The following SPTBN4 variants were observed in gnomAD, a reference collection of about 807,000 sequenced individuals.
SPTBN4 encodes the protein spectrin beta chain, non-erythrocytic 4.
SPTBN4 carries 96 observed loss-of-function variants against 277.8 expected under a neutral mutation model. That is an observed-to-expected ratio of 0.35 (90% CI 0.29 to 0.41). The LOEUF is 0.41. Ranked by LOEUF, SPTBN4 falls within the 10% of genes least tolerant of loss-of-function variation. The pLI, the probability that SPTBN4 is intolerant of heterozygous loss-of-function variation, is 1.00. For synonymous variants in SPTBN4, 1,481 were observed against 1,580.3 expected, an observed-to-expected ratio of 0.94 and a Z score of 1.49; for missense variants, 3,006 against 3,595.7, an observed-to-expected ratio of 0.84 and a Z score of 4.19.
intron 33 of SPTBN4, 141 bp from the exon 34 acceptor site, chr19:40,571,878 T>C: frequency 1.1e-6 from 1 of 921,110 alleles, no homozygotes; most frequent in South Asian, 2.2e-5. Flanking sequence ...GAAGAGCATT[T>C]TAGGTCCAAC....
rs1216311407 is a variant in SPTBN4 at position 40,484,063 on chromosome 19, A to G, written c.170-3634A>G. Reference sequence around the variant, plus strand: ...CACCGCACTCCAGCCTGGATTTTATACAGGGCAGACCCTGTATCAAAAAAA... The same window carrying G: ...CACCGCACTCCAGCCTGGATTTTATGCAGGGCAGACCCTGTATCAAAAAAA... On this transcript the variant is annotated intron_variant, in intron 2 of 35. Coordinates refer to ENST00000598249, the MANE Select transcript of SPTBN4 (RefSeq NM_020971.3). Among the ~76,000 whole-genome samples, 3 of 152,160 alleles carry G rather than the reference A, an allele frequency of 2.0e-5. No homozygotes were observed. The East Asian group carries it at 5.8e-4, about 29-fold the overall frequency.
chr19:40,487,910 C>T, intron 3 of SPTBN4, 62 bp downstream of exon 3: 2 of 1,498,160 alleles, frequency 1.3e-6, no homozygotes, highest in East Asian at 2.4e-5. Flanking sequence ...GGGGGTTGGG[C>T]TTCTCTGGAA....
In SPTBN4 at chr19:40,519,716, A is replaced by C; in HGVS notation, c.3219A>C (p.Leu1073=). 7.2e-7 allele frequency: 1 copy of C among 1,396,196 alleles called. No individual in the cohort carries two copies. Among genetic ancestry groups the C allele is most frequent in the East Asian group, 3.0e-5 (1 of 33,228 alleles). 86.5% of individuals were successfully genotyped at this position (1,396,196 alleles called of 1,614,324 possible). A position where few individuals can be genotyped will look rare whatever the true frequency, so the allele number is the denominator to read the frequency against. ...AGCTGGGCGCCGAGTGGGGCGCGCT[A>C]GCTAGCGCGGCTCAGGCCTGCGGCG... The part of the protein sequence containing the change: ...AEELGAEWGA[L]ASAAQACGEA... Residue 1073 remains leucine, a synonymous_variant, in exon 16 of 36, where the codon CTA becomes CTC. Coordinates refer to ENST00000598249, the MANE Select transcript of SPTBN4 (RefSeq NM_020971.3). The surrounding 1 kb of genome is among the most constrained non-coding windows in gnomAD (Gnocchi z 5.7).
At chr19:40,545,354 A>G (rs1348681518) in intron 20 of SPTBN4, among the ~76,000 whole-genome samples, 1 of 152,080 alleles carries the variant, frequency 6.6e-6, no homozygotes, top group South Asian at 2.1e-4. Context: ...TTGGCCTCCC[A>G]AAGTGCTGGG....
intron 16 of SPTBN4, among the ~76,000 whole-genome samples, chr19:40,523,039 C>T (rs1051352035): frequency 6.6e-6 from 1 of 152,090 alleles, no homozygotes. Context: ...GAGGCTGAGG[C>T]GGGAGAATCA....
At chr19:40,470,747 C>T (rs746775858) in intron 1 of SPTBN4, among the ~76,000 whole-genome samples, 2 of 152,060 alleles carry the variant, frequency 1.3e-5, no homozygotes, top group Non-Finnish European at 2.9e-5. Context: ...ATTCTCCTCC[C>T]TCAGCCTCCT....
chr19:40,468,421 G>A (rs942072371), intron 1 of SPTBN4, among the ~76,000 whole-genome samples: 1 of 150,856 alleles, frequency 6.6e-6, no homozygotes, highest in Admixed American at 6.6e-5. Flanking sequence ...CTGTCATTCA[G>A]GCTGGAGTGC....
At chr19:40,483,481 T>C (rs1246856306) in intron 2 of SPTBN4, among the ~76,000 whole-genome samples, 1 of 152,200 alleles carries the variant, frequency 6.6e-6, no homozygotes. Context: ...GTAGAAAATA[T>C]ACATTTACTT....
intron 2 of SPTBN4, among the ~76,000 whole-genome samples, chr19:40,487,179 G>A (rs2080081829): frequency 6.6e-6 from 1 of 151,870 alleles, no homozygotes; most frequent in Non-Finnish European, 1.5e-5. Context: ...GGGATTAACA[G>A]GCATGCACCA....
Position 40,554,935 on chromosome 19 carries a change from C to G in SPTBN4, c.5084+289C>G. ...GGACTGGGGTAGAGAAGAATTTACT[C>G]AGGACAGGCAAGGGGCTCTTTCTAC... On this transcript the variant is annotated intron_variant, in intron 24 of 35. Coordinates refer to ENST00000598249, the MANE Select transcript of SPTBN4 (RefSeq NM_020971.3). This position sits in a 1 kb window ranked among gnomAD's most constrained non-coding sequence, Gnocchi z 5.7. 1 of 368,376 alleles carries G rather than the reference C, an allele frequency of 2.7e-6. No individual in the cohort carries two copies. The allele number at this position is 368,376 out of a possible 1,614,324, so 22.8% of individuals were successfully genotyped here.
intron 22 of SPTBN4, among the ~76,000 whole-genome samples, chr19:40,551,157 G>C (rs2145926034): frequency 6.6e-6 from 1 of 152,296 alleles, no homozygotes; most frequent in Admixed American, 6.5e-5. Flanking sequence ...AGGAAAATCA[G>C]GGGCTTGAGA....
At position 40,467,149 on chromosome 19, in the gene SPTBN4, C is replaced by G. The variant is rs1457055016; in HGVS notation, c.-172C>G. 1 of 148,788 alleles carries G rather than the reference C, an allele frequency of 6.7e-6. No individual in the cohort carries two copies. Among genetic ancestry groups the G allele is most frequent in the African/African-American group, 2.4e-5 (1 of 40,986 alleles). The allele number at this position is 148,788 out of a possible 1,614,324, so 9.2% of individuals were successfully genotyped here. A position where few individuals can be genotyped will look rare whatever the true frequency, so the allele number is the denominator to read the frequency against. On this transcript the variant is annotated 5_prime_UTR_variant, in exon 1 of 36. Coordinates refer to ENST00000598249, the MANE Select transcript of SPTBN4 (RefSeq NM_020971.3). ...GGCGGCGGCGCGAGAGAGGGAGGCG[C>G]GGCGGCGCATGCGGATCTGGCTGAG...
At position 40,575,562 on chromosome 19, in the gene SPTBN4, G is replaced by A; in HGVS notation, c.7688G>A (p.Arg2563Lys). The A allele has an allele frequency of 6.2e-7, 1 of 1,609,276 alleles. No individual in the cohort carries two copies. The highest frequency in any genetic ancestry group is 1.7e-5 in the Admixed American group (1 of 59,728). ...EGGDRRASGR[R>K]K ...GGAGATCGCAGGGCCAGCGGGCGCA[G>A]GAAGTGACTTCCCACCCCCAGGACC... The change falls in exon 36 of 36, where the codon AGG becomes AAG. Residue 2563 changes from arginine (R) to lysine (K), a missense_variant. By Grantham distance (26) the Arg-to-Lys change is conservative. Around this residue, in one of 5 missense-constraint regions of SPTBN4, gnomAD observed 630 missense variants for 677.6 expected, o/e 0.93. Transcript: ENST00000598249.
chr19:40,520,707 T>C (rs2080517106), intron 16 of SPTBN4, among the ~76,000 whole-genome samples: 1 of 152,124 alleles, frequency 6.6e-6, no homozygotes, highest in Non-Finnish European at 1.5e-5. Context: ...ACTGTGTCTG[T>C]GGCATGAGGA....
At chr19:40,541,169 G>C (rs2080797570) in intron 20 of SPTBN4, among the ~76,000 whole-genome samples, 1 of 152,170 alleles carries the variant, frequency 6.6e-6, no homozygotes, top group Admixed American at 6.5e-5. Flanking sequence ...AGGAGTTGGG[G>C]CCTCCTGCTT....
At chr19:40,521,486 C>T (rs770880232) in intron 16 of SPTBN4, among the ~76,000 whole-genome samples, 5 of 152,054 alleles carry the variant, frequency 3.3e-5, no homozygotes, top group African/African-American at 7.2e-5. Flanking sequence ...TGGGAGGCAG[C>T]GACAGATCAT....
chr19:40,502,843 G>A lies in SPTBN4; in HGVS notation c.1272G>A (p.Gln424=). The A allele has an allele frequency of 6.2e-7, 1 of 1,613,966 alleles. No homozygotes were observed. Among genetic ancestry groups the A allele is most frequent in the African/African-American group, 1.3e-5 (1 of 75,060 alleles). The change falls in exon 11 of 36, where the codon CAG becomes CAA. Residue 424 remains glutamine, a synonymous_variant. Transcript: ENST00000598249. The surrounding 1 kb of genome is among the most constrained non-coding windows in gnomAD (Gnocchi z 4.9). ...EAALRAELIR[Q]EKLELLAQRF... is the part of the protein sequence containing the mutation. ...CCCTACGGGCTGAGCTGATTCGGCAGGAGAAGCTGGAACTACTGGCACAGA... is the reference window on the plus strand; with the variant it reads ...CCCTACGGGCTGAGCTGATTCGGCAAGAGAAGCTGGAACTACTGGCACAGA...
Position 40,560,801 on chromosome 19 carries a change from G to A in SPTBN4, c.5915+398G>A, listed in dbSNP as rs539946058. On this transcript the variant is annotated intron_variant, in intron 27 of 35. Transcript: ENST00000598249. This position sits in a 1 kb window ranked among gnomAD's most constrained non-coding sequence, Gnocchi z 5.2. The stretch of plus-strand genomic sequence containing the variant: ...GGCATGGGCTTATTGCTCACATAGT[G>A]GTTGGATGTGAGTGTCCAGCAGAAT... 16 of 1,095,204 alleles carry A rather than the reference G, an allele frequency of 1.5e-5. No homozygotes were observed. The highest frequency in any genetic ancestry group is 2.5e-5 in the South Asian group (1 of 40,080). The allele number at this position is 1,095,204 out of a possible 1,614,324, so 67.8% of individuals were successfully genotyped here.
intron 15 of SPTBN4, among the ~76,000 whole-genome samples, chr19:40,516,755 C>A (rs1457667483): frequency 5.9e-5 from 9 of 151,994 alleles, no homozygotes; most frequent in Non-Finnish European, 1.5e-5. Context: ...ACCCGGGAGG[C>A]AGAGGCTACA....
Sources: allele counts gnomAD v4.1 joint callset (sites outside exome capture counted in the v4.1 genomes callset), GRCh38; gene constraint gnomAD v4.1.1; regional missense constraint gnomAD v4.1.1; non-coding constraint Gnocchi (gnomAD v3.1); transcripts MANE v1.5; gene names NCBI Gene and HGNC (gene_info 2026-07-23, HGNC 2026-07-21).